The following LRRC3B variants were observed in gnomAD, a reference collection of about 807,000 sequenced individuals.
The protein encoded by LRRC3B is leucine-rich repeat-containing protein 3B.
LRRC3B carries 2 observed loss-of-function variants against 12.8 expected under a neutral mutation model. That is an observed-to-expected ratio of 0.16 (90% CI 0.06 to 0.49). LRRC3B has a LOEUF of 0.49. Among genes scored for constraint, LRRC3B ranks in the 20% least tolerant of loss-of-function variants. The pLI, the probability that LRRC3B is intolerant of heterozygous loss-of-function variation, is 0.96. For synonymous variants in LRRC3B, 132 were observed against 122.0 expected, an observed-to-expected ratio of 1.08 and a Z score of -0.54; for missense variants, 189 against 319.4, an observed-to-expected ratio of 0.59 and a Z score of 3.11.
At chr3:26,644,308 C>T (rs1699096627) in intron 1 of LRRC3B, among the ~76,000 whole-genome samples, 1 of 152,190 alleles carries the variant, frequency 6.6e-6, no homozygotes, top group African/African-American at 2.4e-5. Flanking sequence ...AGGAGATTGC[C>T]TTAGCAGGTA....
intron 1 of LRRC3B, among the ~76,000 whole-genome samples, chr3:26,701,826 C>T (rs186222686): frequency 6.6e-5 from 10 of 152,058 alleles, no homozygotes; most frequent in African/African-American, 1.9e-4. Context: ...ACTCACAGAA[C>T]ATGTGTCAGC....
At chr3:26,638,240 CTT>C (rs1414638728) in intron 1 of LRRC3B, among the ~76,000 whole-genome samples, 1 of 151,678 alleles carries the variant, frequency 6.6e-6, no homozygotes, top group African/African-American at 2.4e-5. Flanking sequence ...ACTATCATGA[CTT>C]TAATGTCATG....
chr3:26,676,233 C>CA (rs1699857844), intron 1 of LRRC3B, among the ~76,000 whole-genome samples: 1 of 117,338 alleles, frequency 8.5e-6, no homozygotes, highest in Non-Finnish European at 1.7e-5. Context: ...TCCCTTCCCC[C>CA]TCCCCCCACC....
At chr3:26,704,833 TA>T (rs1700546091) in intron 1 of LRRC3B, among the ~76,000 whole-genome samples, 1 of 152,216 alleles carries the variant, frequency 6.6e-6, no homozygotes, top group African/African-American at 2.4e-5. Flanking sequence ...AGAGAAGTTT[TA>T]AATTTTAAAT....
intron 1 of LRRC3B, among the ~76,000 whole-genome samples, chr3:26,708,916 G>T (rs1700676979): frequency 6.6e-6 from 1 of 152,178 alleles, no homozygotes; most frequent in Admixed American, 6.5e-5. Context: ...GTACTTTAAA[G>T]AGGTCACAAG....
At chr3:26,666,925 T>C (rs1699616705) in intron 1 of LRRC3B, among the ~76,000 whole-genome samples, 1 of 152,152 alleles carries the variant, frequency 6.6e-6, no homozygotes, top group Non-Finnish European at 1.5e-5. Context: ...ATGTGTCAAC[T>C]ACAACACTTT....
chr3:26,636,614 TA>T (rs79096995), intron 1 of LRRC3B, among the ~76,000 whole-genome samples: 16 of 147,514 alleles, frequency 1.1e-4, no homozygotes, highest in Middle Eastern at 3.5e-3. Flanking sequence ...TTTTTTAGTG[TA>T]AAAAAAAAAC....
In LRRC3B at chr3:26,691,103, G is replaced by GTATATATATATATA. The variant is rs1298635555; in HGVS notation, c.-160-18409_-160-18408insATATATATATATAT. 1.0e-2 allele frequency among the ~76,000 whole-genome samples: 446 copies of GTATATATATATATA among 44,744 alleles called. 3 individuals are homozygous for GTATATATATATATA. The highest frequency in any genetic ancestry group is 0.029 in the South Asian group (33 of 1,126). The allele number at this position is 44,744 out of a possible 152,430, so 29.4% of individuals were successfully genotyped here. A position where few individuals can be genotyped will look rare whatever the true frequency, so the allele number is the denominator to read the frequency against. The stretch of plus-strand genomic sequence containing the variant: ...TGTGTGTGTGTATATGTGTGTGTGT[G>GTATATATATATATA]TGTATATATATATATATATATATAT... On this transcript the variant is annotated intron_variant, in intron 1 of 1. Coordinates refer to ENST00000396641, the Ensembl canonical transcript of LRRC3B.
chr3:26,707,079 G>A (rs377605476), intron 1 of LRRC3B, among the ~76,000 whole-genome samples: 7 of 152,036 alleles, frequency 4.6e-5, no homozygotes, highest in East Asian at 1.9e-4. Context: ...TGTGCTAAGC[G>A]CAGTGGCTCA....
chr3:26,644,160 GA>G lies in LRRC3B; in HGVS notation c.-161+20925del, dbSNP rs1457906042. Reference sequence around the variant, plus strand: ...AATCATTTAAATAAGTTGACTTCAAGAAGAAGATTACATAAGTATGAACACA... The same window carrying G: ...AATCATTTAAATAAGTTGACTTCAAGAGAAGATTACATAAGTATGAACACA... On this transcript the variant is annotated intron_variant, in intron 1 of 1. Coordinates refer to ENST00000396641, the Ensembl canonical transcript of LRRC3B. Among the ~76,000 whole-genome samples the G allele has an allele frequency of 8.5e-5, 13 of 152,300 alleles. No individual in the cohort carries two copies. In the East Asian group the frequency reaches 2.5e-3, roughly 29 times the overall value.
At chr3:26,627,606 A>C (rs2125397363) in intron 1 of LRRC3B, among the ~76,000 whole-genome samples, 1 of 152,136 alleles carries the variant, frequency 6.6e-6, no homozygotes, top group Admixed American at 6.5e-5. Flanking sequence ...GCCAACGTGC[A>C]CTAAGAGCTG....
At chr3:26,629,315 A>G (rs184915422) in intron 1 of LRRC3B, among the ~76,000 whole-genome samples, 1 of 151,916 alleles carries the variant, frequency 6.6e-6, no homozygotes, top group East Asian at 2.0e-4. Flanking sequence ...GTATTCAGTA[A>G]CTTACTGGGA....
At chr3:26,654,652 G>A (rs376704967) in intron 1 of LRRC3B, among the ~76,000 whole-genome samples, 2 of 152,176 alleles carry the variant, frequency 1.3e-5, no homozygotes, top group East Asian at 1.9e-4. Context: ...ACAGTGCAAA[G>A]TTCTTTTTGA....
intron 1 of LRRC3B, among the ~76,000 whole-genome samples, chr3:26,663,341 G>A (rs1032511715): frequency 1.3e-5 from 2 of 151,934 alleles, no homozygotes; most frequent in African/African-American, 4.8e-5. Context: ...ATACACACAT[G>A]CATCTTTATT....
chr3:26,640,458 CAAACAAACA>C (rs1699006552), intron 1 of LRRC3B, among the ~76,000 whole-genome samples: 1 of 82,410 alleles, frequency 1.2e-5, no homozygotes, highest in African/African-American at 5.7e-5. Flanking sequence ...AAAACAAAAA[CAAACAAACA>C]AATGAAAACG....
At chr3:26,627,050 T>A (rs1013174069) in intron 1 of LRRC3B, among the ~76,000 whole-genome samples, 2 of 152,218 alleles carry the variant, frequency 1.3e-5, no homozygotes, top group African/African-American at 4.8e-5. Context: ...TATATTTCTG[T>A]ACTTGGGGCT....
chr3:26,661,961 C>G (rs1699500906), intron 1 of LRRC3B, among the ~76,000 whole-genome samples: 1 of 152,164 alleles, frequency 6.6e-6, no homozygotes, highest in Non-Finnish European at 1.5e-5. Context: ...GTTACAGGTT[C>G]TGACCTCTGT....
chr3:26,685,519 CTCTCT>C (rs1700063881), intron 1 of LRRC3B, among the ~76,000 whole-genome samples: 3 of 47,802 alleles, frequency 6.3e-5, no homozygotes, highest in Admixed American at 3.0e-4. Context: ...CTCTCTCTCT[CTCTCT>C]ATATATATAT....
intron 1 of LRRC3B, among the ~76,000 whole-genome samples, chr3:26,693,185 C>T (rs1226109989): frequency 2.0e-5 from 3 of 150,670 alleles, no homozygotes; most frequent in African/African-American, 4.9e-5. Flanking sequence ...AAAAATTAGC[C>T]GGGCATGGTG....
Sources: allele counts gnomAD v4.1 joint callset (sites outside exome capture counted in the v4.1 genomes callset), GRCh38; gene constraint gnomAD v4.1.1; transcripts MANE v1.5; gene names NCBI Gene and HGNC (gene_info 2026-07-23, HGNC 2026-07-21).